LRP1B: variants seen among roughly 807,000 people sequenced by gnomAD.
LRP1B encodes LDL receptor related protein 1B, also known as low-density lipoprotein receptor-related protein 1B.
A neutral mutation model predicts 556.6 loss-of-function variants in LRP1B; 217 were observed. The observed-to-expected ratio is 0.39, with a 90% CI of 0.35 to 0.44. The LOEUF is 0.44. Ranked by LOEUF, LRP1B falls within the 20% of genes least tolerant of loss-of-function variation. LRP1B has a pLI of 1.00. For synonymous variants in LRP1B, 2,047 were observed against 1,865.8 expected (o/e 1.10, Z -2.50); for missense variants, 5,053 against 5,620.8 (o/e 0.90, Z 3.23).
chr2:141,426,291 G>A lies in LRP1B; in HGVS notation c.343+54105C>T, dbSNP rs964624277. ...TTCCATTGATCTATATCTCTGTTTTGGTACCAGTACCATGCTGTTTTATTT... is the reference window on the plus strand; with the variant it reads ...TTCCATTGATCTATATCTCTGTTTTAGTACCAGTACCATGCTGTTTTATTT... On this transcript the variant is annotated intron_variant, in intron 3 of 90. Transcript: ENST00000389484. Among the ~76,000 whole-genome samples, 8 of 151,724 alleles carry A rather than the reference G, an allele frequency of 5.3e-5. No individual in the cohort carries two copies. The East Asian group carries it at 1.6e-3, about 30-fold the overall frequency.
At chr2:141,304,092 C>G (rs1217178613) in intron 3 of LRP1B, among the ~76,000 whole-genome samples, 2 of 152,042 alleles carry the variant, frequency 1.3e-5, no homozygotes, top group Non-Finnish European at 2.9e-5. Flanking sequence ...ATTTCCTTTA[C>G]CTACTTTTTA....
At chr2:141,783,890 A>AT (rs1374786534) in intron 2 of LRP1B, among the ~76,000 whole-genome samples, 1 of 151,704 alleles carries the variant, frequency 6.6e-6, no homozygotes, top group South Asian at 2.1e-4. Flanking sequence ...CTTCAGTGTT[A>AT]TTTTTCTGAG....
At chr2:140,702,012 T>C in intron 39 of LRP1B, 129 bp downstream of exon 39, 1 of 1,320,450 alleles carries the variant, frequency 7.6e-7, no homozygotes, top group Non-Finnish European at 1.1e-6. Flanking sequence ...CTGCCTTTTC[T>C]GTGGAAATTA....
chr2:141,623,062 T>A (rs1688561279), intron 2 of LRP1B, among the ~76,000 whole-genome samples: 1 of 152,278 alleles, frequency 6.6e-6, no homozygotes, highest in African/African-American at 2.4e-5. Context: ...CCAGCTGGAA[T>A]TGGCTAAGAT....
At chr2:140,669,102 T>A (rs781608891) in intron 41 of LRP1B, among the ~76,000 whole-genome samples, 6 of 152,184 alleles carry the variant, frequency 3.9e-5, no homozygotes, top group Non-Finnish European at 7.4e-5. Flanking sequence ...GAACTGGGTA[T>A]CAGGGTATCT....
At chr2:141,099,843 T>A (rs561031585) in intron 7 of LRP1B, among the ~76,000 whole-genome samples, 1 of 152,332 alleles carries the variant, frequency 6.6e-6, no homozygotes, top group Non-Finnish European at 1.5e-5. Flanking sequence ...TTCAGGCCCA[T>A]TTGTATTTTC....
chr2:141,675,530 A>AT (rs11415376), intron 2 of LRP1B, among the ~76,000 whole-genome samples: 148,313 of 151,802 alleles, frequency 0.98, 72,537 homozygotes, highest in East Asian at 1. Flanking sequence ...GTGCCTTAGT[A>AT]TTTTGCATTT....
At chr2:140,847,763 TAA>T (rs1001857902) in intron 29 of LRP1B, among the ~76,000 whole-genome samples, 6 of 49,098 alleles carry the variant, frequency 1.2e-4, no homozygotes, top group Non-Finnish European at 1.7e-4. Flanking sequence ...AGACTGCATC[TAA>T]AAAAAAAAAA....
rs560978411 is a variant in LRP1B, at chr2:142,048,982, T to G, written c.82+81666A>C. Reference sequence around the variant, plus strand: ...AGAAATACTTTAGGATGGGAATAATTTGTTTAAATCAATAGTTTCTAAATG... The same window carrying G: ...AGAAATACTTTAGGATGGGAATAATGTGTTTAAATCAATAGTTTCTAAATG... On this transcript the variant is annotated intron_variant, in intron 1 of 90. Transcript: ENST00000389484. Among the ~76,000 whole-genome samples the G allele has an allele frequency of 5.3e-5, 8 of 152,230 alleles. No homozygotes were observed. In the South Asian group the frequency reaches 1.0e-3, roughly 20 times the overall value.
chr2:141,499,549 C>A (rs2105129256), intron 2 of LRP1B, among the ~76,000 whole-genome samples: 1 of 151,994 alleles, frequency 6.6e-6, no homozygotes, highest in East Asian at 1.9e-4. Flanking sequence ...TTGGAAGGTT[C>A]TTTATGTTCC....
At chr2:141,964,872 CT>C (rs1228072481) in intron 1 of LRP1B, among the ~76,000 whole-genome samples, 1 of 150,832 alleles carries the variant, frequency 6.6e-6, no homozygotes, top group Non-Finnish European at 1.5e-5. Flanking sequence ...TATCCAGAAT[CT>C]ACAATGAACT....
rs372062389 is a variant in LRP1B, at chr2:140,719,609, A to AT, written c.5759-2794dup. ...AACTAGACCATTAAATATTTCATGG[A>AT]TAAGGACTGCATCTCACCCAAATTT... On this transcript the variant is annotated intron_variant, in intron 35 of 90. Coordinates refer to ENST00000389484, the MANE Select transcript of LRP1B (RefSeq NM_018557.3). Among the ~76,000 whole-genome samples the AT allele has an allele frequency of 3.4e-3, 513 of 152,106 alleles. 1 individual carries two copies. Among genetic ancestry groups the AT allele is most frequent in the African/African-American group, 0.012 (483 of 41,542 alleles).
rs1683375355 is a variant in LRP1B at position 140,619,415 on chromosome 2, A to AAATT, written c.6800-17780_6800-17777dup. Among the ~76,000 whole-genome samples the AAATT allele has an allele frequency of 2.0e-5, 3 of 152,288 alleles. No individual in the cohort carries two copies. In the South Asian group the frequency reaches 6.2e-4, roughly 32 times the overall value. On this transcript the variant is annotated intron_variant, in intron 41 of 90. Transcript: ENST00000389484. Reference sequence around the variant, plus strand: ...TTTTTTAAAACATTTTGCTAGATGGAAATTAATCACAGAAATGGCCAAGAT... The same window carrying AAATT: ...TTTTTTAAAACATTTTGCTAGATGGAAATTAATTAATCACAGAAATGGCCAAGAT...
chr2:141,962,609 T>C (rs780104718), intron 1 of LRP1B, among the ~76,000 whole-genome samples: 5 of 151,770 alleles, frequency 3.3e-5, no homozygotes, highest in Non-Finnish European at 7.4e-5. Context: ...GAAATAGGAT[T>C]CAAAAGTATG....
intron 84 of LRP1B, among the ~76,000 whole-genome samples, chr2:140,290,224 C>T (rs1010543302): frequency 3.3e-5 from 5 of 151,884 alleles, no homozygotes; most frequent in African/African-American, 1.2e-4. Context: ...GTTAAGAAGA[C>T]AAAGTAGGGG....
chr2:140,477,741 G>A (rs142176395), intron 59 of LRP1B, among the ~76,000 whole-genome samples: 27 of 152,152 alleles, frequency 1.8e-4, no homozygotes, highest in African/African-American at 6.5e-4. Context: ...AAGAGAAAAA[G>A]CATATTATTT....
At chr2:141,069,065 T>C (rs1699562114) in intron 7 of LRP1B, among the ~76,000 whole-genome samples, 1 of 152,050 alleles carries the variant, frequency 6.6e-6, no homozygotes. Context: ...TATTTTTATC[T>C]CTTTTAAATT....
intron 3 of LRP1B, among the ~76,000 whole-genome samples, chr2:141,256,248 A>G (rs953796623): frequency 6.6e-6 from 1 of 152,024 alleles, no homozygotes; most frequent in Admixed American, 6.6e-5. Context: ...GACAAAATTA[A>G]TGAGAATGTA....
intron 35 of LRP1B, among the ~76,000 whole-genome samples, chr2:140,742,670 T>G (rs573498909): frequency 1.3e-5 from 2 of 152,062 alleles, no homozygotes; most frequent in Admixed American, 1.3e-4. Flanking sequence ...ACTCCTAGGC[T>G]CAAGTGATCC....
Sources: allele counts gnomAD v4.1 joint callset (sites outside exome capture counted in the v4.1 genomes callset), GRCh38; gene constraint gnomAD v4.1.1; transcripts MANE v1.5; gene names NCBI Gene and HGNC (gene_info 2026-07-23, HGNC 2026-07-21).